ZNF569: variants seen among roughly 807,000 people sequenced by gnomAD.
ZNF569 encodes zinc finger protein 569.
In ZNF569, 38 loss-of-function variants were observed where a neutral mutation model predicts 56.3. That is an observed-to-expected ratio of 0.68 (90% confidence interval 0.52 to 0.88). The LOEUF (loss-of-function observed/expected upper bound fraction) is 0.88, where lower values mean the gene tolerates loss of function less well. Ranked by LOEUF, ZNF569 falls within the 40% of genes least tolerant of loss-of-function variation. The pLI is 0.00. For missense variants in ZNF569, 666 were observed against 809.2 expected, an observed-to-expected ratio of 0.82 and a Z score of 2.15; for synonymous variants, 241 against 262.9, an observed-to-expected ratio of 0.92 and a Z score of 0.81.
intron 3 of ZNF569, among the ~76,000 whole-genome samples, chr19:37,442,393 C>T (rs1015245373): frequency 1.3e-5 from 2 of 151,924 alleles, no homozygotes; most frequent in African/African-American, 2.4e-5. Context: ...CTGCTCAAAG[C>T]GGGGAAAGGT....
chr19:37,415,267 A>G (rs1478893782), intron 5 of ZNF569, among the ~76,000 whole-genome samples: 2 of 152,152 alleles, frequency 1.3e-5, no homozygotes, highest in African/African-American at 4.8e-5. Flanking sequence ...GTATATTACT[A>G]TAAATAAATT....
At chr19:37,433,440 G>A (rs1405495977) in intron 3 of ZNF569, among the ~76,000 whole-genome samples, 2 of 151,980 alleles carry the variant, frequency 1.3e-5, no homozygotes, top group Non-Finnish European at 2.9e-5. Flanking sequence ...TTATTCGATG[G>A]GATAACAATA....
chr19:37,416,974 T>C (rs967203006), intron 5 of ZNF569, among the ~76,000 whole-genome samples: 1 of 152,094 alleles, frequency 6.6e-6, no homozygotes, highest in Non-Finnish European at 1.5e-5. Flanking sequence ...TCATTGAAGA[T>C]GAAATTAGTT....
chr19:37,434,014 G>A (rs1262275110), intron 3 of ZNF569, among the ~76,000 whole-genome samples: 3 of 152,156 alleles, frequency 2.0e-5, no homozygotes, highest in Non-Finnish European at 4.4e-5. Flanking sequence ...AGAAAGACGA[G>A]AAGAAGGGCT....
At chr19:37,435,773 G>A (rs1286800870) in intron 3 of ZNF569, among the ~76,000 whole-genome samples, 1 of 152,142 alleles carries the variant, frequency 6.6e-6, no homozygotes, top group African/African-American at 2.4e-5. Context: ...TGATGATAAA[G>A]GGGTCAATTC....
chr19:37,417,302 C>A (rs1167771422), intron 5 of ZNF569, among the ~76,000 whole-genome samples: 1 of 152,046 alleles, frequency 6.6e-6, no homozygotes, highest in Non-Finnish European at 1.5e-5. Context: ...ACTCTGTAAC[C>A]CAAGCTGGAG....
At chr19:37,438,036 A>G (rs1446135899) in intron 3 of ZNF569, among the ~76,000 whole-genome samples, 1 of 129,622 alleles carries the variant, frequency 7.7e-6, no homozygotes, top group Non-Finnish European at 1.9e-5. Flanking sequence ...AAACAGAAAA[A>G]ACTGGAGGAG....
chr19:37,421,915 AATTTCTGT>A (rs111753649), intron 5 of ZNF569, among the ~76,000 whole-genome samples: 23,228 of 151,450 alleles, frequency 0.15, 1,838 homozygotes, highest in Middle Eastern at 0.26. Context: ...ACATCCGGCT[AATTTCTGT>A]ATTTTTAGTA....
chr19:37,416,690 CT>C (rs1400630211), intron 5 of ZNF569, among the ~76,000 whole-genome samples: 1 of 151,534 alleles, frequency 6.6e-6, no homozygotes, highest in African/African-American at 2.4e-5. Context: ...CTTTTTTCCC[CT>C]GAATATTTTC....
chr19:37,418,680 A>G (rs919591521), intron 5 of ZNF569, among the ~76,000 whole-genome samples: 5 of 152,172 alleles, frequency 3.3e-5, no homozygotes, highest in Non-Finnish European at 7.4e-5. Flanking sequence ...AAATAACAAA[A>G]TTGAATGGAA....
rs553873654 is a variant in ZNF569, at chr19:37,436,653, C to G, written c.15+8254G>C. ...GAAAAAAGAGACATTATAACCAATACTGGAGAAATTCAAAGGATCATTAGA... is the reference window on the plus strand; with the variant it reads ...GAAAAAAGAGACATTATAACCAATAGTGGAGAAATTCAAAGGATCATTAGA... On this transcript the variant is annotated intron_variant, in intron 3 of 5. Transcript: ENST00000316950. 2.0e-5 allele frequency among the ~76,000 whole-genome samples: 3 copies of G among 151,990 alleles called. No individual in the cohort carries two copies. In the South Asian group the frequency reaches 6.2e-4, roughly 32 times the overall value.
intron 2 of ZNF569, among the ~76,000 whole-genome samples, chr19:37,463,719 T>TTGTTCCATGCA (rs11275084): frequency 0.26 from 38,499 of 150,302 alleles, 5,808 homozygotes; most frequent in African/African-American, 0.43. Flanking sequence ...TGCATGTTTA[T>TTGTTCCATGCA]TGTTCCATGC....
chr19:37,468,071 G>A, upstream of ZNF569: 1 of 585,988 alleles, frequency 1.7e-6, no homozygotes, highest in Non-Finnish European at 2.9e-6. Context: ...TGCCTTTCGT[G>A]TTTTTTTTTT....
At chr19:37,463,250 A>G (rs2041781830) in intron 2 of ZNF569, among the ~76,000 whole-genome samples, 1 of 145,274 alleles carries the variant, frequency 6.9e-6, no homozygotes, top group Admixed American at 6.7e-5. Context: ...GCTGCGTAAC[A>G]ATGTTTCAGC....
At chr19:37,466,012 T>C (rs2041826387) in intron 1 of ZNF569, among the ~76,000 whole-genome samples, 1 of 152,234 alleles carries the variant, frequency 6.6e-6, no homozygotes, top group Non-Finnish European at 1.5e-5. Flanking sequence ...TACAGAGCTG[T>C]ATGTATAGTG....
chr19:37,437,953 A>C (rs772183291), intron 3 of ZNF569, among the ~76,000 whole-genome samples: 4 of 152,204 alleles, frequency 2.6e-5, no homozygotes, highest in Non-Finnish European at 4.4e-5. Flanking sequence ...GACATTCTTC[A>C]CAGAAATAGG....
chr19:37,454,707 A>G (rs2041646087), intron 2 of ZNF569: 2 of 599,266 alleles, frequency 3.3e-6, no homozygotes, highest in South Asian at 2.0e-5. Context: ...CCCAGAGGAA[A>G]AGCCTACAAG....
rs1455232750 is a variant in ZNF569 at position 37,416,410 on chromosome 19, T to TGTAG, written c.239-1992_239-1991insCTAC. Among the ~76,000 whole-genome samples the TGTAG allele has an allele frequency of 1.2e-3, 181 of 152,256 alleles. 2 individuals are homozygous for TGTAG. Among genetic ancestry groups the TGTAG allele is most frequent in the African/African-American group, 4.2e-3 (176 of 41,558 alleles). On this transcript the variant is annotated intron_variant, in intron 5 of 5. Coordinates refer to ENST00000316950, the MANE Select transcript of ZNF569 (RefSeq NM_152484.3). ...GAATTGATATTTATTTTTAAAAACC[T>TGTAG]TCATATACAAACAACTACAGTCATC...
At chr19:37,430,892 C>A (rs2041215208) in intron 3 of ZNF569, among the ~76,000 whole-genome samples, 1 of 152,158 alleles carries the variant, frequency 6.6e-6, no homozygotes, top group Admixed American at 6.5e-5. Context: ...AGGAGGGAGA[C>A]CAGAGTGATT....
Sources: allele counts gnomAD v4.1 joint callset (sites outside exome capture counted in the v4.1 genomes callset), GRCh38; gene constraint gnomAD v4.1.1; transcripts MANE v1.5; gene names NCBI Gene and HGNC (gene_info 2026-07-23, HGNC 2026-07-21).